Variants in FBN2 observed in about 807,000 individuals in gnomAD.
FBN2 encodes fibrillin 2.
A neutral mutation model predicts 355.6 loss-of-function variants in FBN2; 105 were observed. The ratio of observed to expected loss-of-function variants is 0.30; its 90% CI spans 0.25 to 0.35. FBN2 has a LOEUF of 0.35. FBN2 is among the 10% of genes least tolerant of loss of function. The pLI is 1.00. For missense variants in FBN2, 3,280 were observed against 3,758.7 expected, an observed-to-expected ratio of 0.87 and a Z score of 3.33; for synonymous variants, 1,350 against 1,301.2, an observed-to-expected ratio of 1.04 and a Z score of -0.81.
chr5:128,537,398 G>T lies in FBN2; in HGVS notation c.206C>A (p.Ala69Glu). Residue 69 changes from alanine to glutamate, a missense_variant, in exon 1 of 65, where the codon GCA becomes GAA. Ala to Glu is a moderately radical substitution (Grantham distance 107). Coordinates refer to ENST00000262464, the MANE Select transcript of FBN2 (RefSeq NM_001999.4). ...TCGCCGGCGGACGCGGCTGGCCACT[G>T]CGGCACCCTCCTCGCGATACTCGGG... The part of the protein sequence containing the change: ...LAPEYREEGA[A>E]VASRVRRRGQ... The T allele has an allele frequency of 1.2e-6, 2 of 1,610,476 alleles. No homozygotes were observed. Among genetic ancestry groups the T allele is most frequent in the Non-Finnish European group, 1.7e-6 (2 of 1,179,590 alleles).
Position 128,336,070 on chromosome 5 carries a change from T to C in FBN2, c.3642A>G (p.Gly1214=). ...CSLSDNLCRN[G]KCVNMIGTYQ... ...AGGTTCCAATCATGTTCACACATTT[T>C]CCATTTCTGCAGAGATTGTCACTCA... Residue 1214 remains glycine (G), a synonymous_variant, in exon 28 of 65, where the codon GGA becomes GGG. Transcript: ENST00000262464. 1 of 1,613,714 alleles carries C rather than the reference T, an allele frequency of 6.2e-7. No individual in the cohort carries two copies. The highest frequency in any genetic ancestry group is 8.5e-7 in the Non-Finnish European group (1 of 1,179,652).
chr5:128,485,769 G>C (rs936206911), intron 5 of FBN2, among the ~76,000 whole-genome samples: 1 of 152,130 alleles, frequency 6.6e-6, no homozygotes, highest in African/African-American at 2.4e-5. Flanking sequence ...TTTTAAAAGA[G>C]GAAGGGAGGA....
intron 2 of FBN2, 50 bp downstream of exon 2, chr5:128,536,352 G>A (rs1182045834): frequency 6.9e-7 from 1 of 1,453,482 alleles, no homozygotes; most frequent in Non-Finnish European, 9.6e-7. Context: ...GTCGGCCGGA[G>A]ATAGGGCCGA....
chr5:128,513,137 G>T (rs911961467), intron 5 of FBN2, among the ~76,000 whole-genome samples: 1 of 152,158 alleles, frequency 6.6e-6, no homozygotes, highest in Non-Finnish European at 1.5e-5. Context: ...ACACATTATT[G>T]CTTTTAATCT....
rs200037196 is a variant in FBN2, at chr5:128,305,907, C to A, written c.5464G>T (p.Gly1822Cys). 1 of 1,613,696 alleles carries A rather than the reference C, an allele frequency of 6.2e-7. No individual in the cohort carries two copies. The highest frequency in any genetic ancestry group is 8.5e-7 in the Non-Finnish European group (1 of 1,179,636). Residue 1822 changes from glycine to cysteine, a missense_variant, in exon 43 of 65, where the codon GGT becomes TGT. Transcript: ENST00000262464. Reference protein sequence around the residue: ...CKEIPGICANGVCINQIGSFR... With the variant: ...CKEIPGICANCVCINQIGSFR... Reference sequence around the variant, plus strand: ...CTGCCAATCTGGTTAATGCACACACCATTTGCACAAATGCCTGGAATCTCT... The same window carrying A: ...CTGCCAATCTGGTTAATGCACACACAATTTGCACAAATGCCTGGAATCTCT...
chr5:128,277,397 T>A (rs531670090), intron 58 of FBN2, among the ~76,000 whole-genome samples: 2 of 152,338 alleles, frequency 1.3e-5, no homozygotes, highest in East Asian at 3.9e-4. Context: ...AGGTAATGCT[T>A]ACTTGGTATA....
chr5:128,295,019 GT>G (rs1158259168), intron 48 of FBN2, among the ~76,000 whole-genome samples: 6 of 151,148 alleles, frequency 4.0e-5, no homozygotes, highest in African/African-American at 1.2e-4. Context: ...TGTATAAGGT[GT>G]AAGGAAGGGA....
intron 32 of FBN2, among the ~76,000 whole-genome samples, 185 bp from the exon 33 acceptor site, chr5:128,330,880 C>T (rs1750674207): frequency 6.6e-6 from 1 of 152,118 alleles, no homozygotes; most frequent in Non-Finnish European, 1.5e-5. Flanking sequence ...AAATGTGGGC[C>T]AAAATTATGA....
intron 5 of FBN2, among the ~76,000 whole-genome samples, chr5:128,471,987 A>G (rs1754873147): frequency 6.6e-6 from 1 of 152,210 alleles, no homozygotes; most frequent in Non-Finnish European, 1.5e-5. Context: ...ATAGAAACAA[A>G]TATTATTTAA....
rs73348278 is a variant in FBN2, at chr5:128,537,047, G to C, written c.254+303C>G. ...GGCGGACCCAGGCCCGCCTGCCGCC[G>C]GACATTCAGAACCTGTTCCCGCAGC... On this transcript the variant is annotated intron_variant, in intron 1 of 64. Transcript: ENST00000262464. 0.14 allele frequency among the ~76,000 whole-genome samples: 20,828 copies of C among 152,030 alleles called. 2,104 individuals are homozygous for C. Among genetic ancestry groups the C allele is most frequent in the African/African-American group, 0.29 (11,910 of 41,426 alleles).
At position 128,305,026 on chromosome 5, in the gene FBN2, G is replaced by A. The variant is rs768733086; in HGVS notation, c.5731C>T (p.Leu1911=). 9.9e-6 allele frequency: 16 copies of A among 1,613,198 alleles called. No individual in the cohort carries two copies. The highest frequency in any genetic ancestry group is 1.1e-5 in the Non-Finnish European group (13 of 1,179,636). ...NVCSHGLCVD[L]QGSYQCICHN... is the part of the protein sequence containing the mutation. The stretch of plus-strand genomic sequence containing the variant: ...CAGATGCACTGGTAACTTCCTTGCA[G>A]ATCAACACACAAGCCATGACTGCAA... Residue 1911 remains leucine, a synonymous_variant, in exon 45 of 65, where the codon CTG becomes TTG. Transcript: ENST00000262464.
At chr5:128,393,030 C>A in intron 10 of FBN2, 105 bp downstream of exon 10, 1 of 901,822 alleles carries the variant, frequency 1.1e-6, no homozygotes, top group Non-Finnish European at 1.9e-6. Flanking sequence ...CACACATGTG[C>A]AAGTGTGTTC....
chr5:128,400,171 GTTTA>G (rs1165423549), intron 8 of FBN2, among the ~76,000 whole-genome samples: 1 of 151,266 alleles, frequency 6.6e-6, no homozygotes, highest in Non-Finnish European at 1.5e-5. Context: ...TTATTTTTTG[GTTTA>G]TTTTGTGATA....
intron 49 of FBN2, 60 bp from the exon 50 acceptor site, chr5:128,290,944 A>AT: frequency 6.6e-7 from 1 of 1,516,148 alleles, no homozygotes; most frequent in Non-Finnish European, 9.2e-7. Context: ...TGGACAGAAC[A>AT]TTTCTCATTG....
At chr5:128,487,344 CA>C (rs902071437) in intron 5 of FBN2, among the ~76,000 whole-genome samples, 96 of 152,234 alleles carry the variant, frequency 6.3e-4, no homozygotes, top group African/African-American at 2.1e-3. Context: ...TTAAGTAAAA[CA>C]AGCCACAGAG....
At chr5:128,369,903 C>T (rs1334070790) in intron 15 of FBN2, among the ~76,000 whole-genome samples, 3 of 152,162 alleles carry the variant, frequency 2.0e-5, no homozygotes, top group African/African-American at 7.2e-5. Context: ...ACCATATGTG[C>T]TCTTGGCATT....
chr5:128,304,033 A>T (rs1749794283), intron 45 of FBN2, among the ~76,000 whole-genome samples: 3 of 152,174 alleles, frequency 2.0e-5, no homozygotes, highest in Non-Finnish European at 4.4e-5. Context: ...ACCTGGAGAC[A>T]TACTCCAGGT....
intron 20 of FBN2, among the ~76,000 whole-genome samples, chr5:128,352,678 C>T (rs909076724): frequency 1.3e-5 from 2 of 151,994 alleles, no homozygotes; most frequent in African/African-American, 2.4e-5. Flanking sequence ...GTTAAAATGC[C>T]GATTCATAAG....
intron 55 of FBN2, among the ~76,000 whole-genome samples, chr5:128,280,678 G>T (rs1765514066): frequency 6.6e-6 from 1 of 152,166 alleles, no homozygotes; most frequent in Admixed American, 6.5e-5. Flanking sequence ...TTAGAGAAAG[G>T]TGTGGGGAGA....
Sources: allele counts gnomAD v4.1 joint callset (sites outside exome capture counted in the v4.1 genomes callset), GRCh38; gene constraint gnomAD v4.1.1; transcripts MANE v1.5; gene names NCBI Gene and HGNC (gene_info 2026-07-23, HGNC 2026-07-21).